DOCK9: variants seen among roughly 807,000 people sequenced by gnomAD.
The protein encoded by DOCK9 is dedicator of cytokinesis 9, also known as dedicator of cytokinesis protein 9.
Under a neutral mutation model 263.3 loss-of-function variants are expected in DOCK9, and 89 were observed. The ratio of observed to expected loss-of-function variants is 0.34; its 90% confidence interval spans 0.28 to 0.40. DOCK9 has a LOEUF of 0.40. Among genes scored for constraint, DOCK9 ranks in the 10% least tolerant of loss-of-function variants. DOCK9 has a pLI of 1.00. For missense variants in DOCK9, 2,140 were observed against 2,603.4 expected, an observed-to-expected ratio of 0.82 and a Z score of 3.87; for synonymous variants, 976 against 973.1, an observed-to-expected ratio of 1.00 and a Z score of -0.06.
At chr13:98,842,469 G>A (rs1055952812) in intron 38 of DOCK9, among the ~76,000 whole-genome samples, 2 of 152,162 alleles carry the variant, frequency 1.3e-5, no homozygotes, top group African/African-American at 4.8e-5. Context: ...CTCTTGGCTG[G>A]TGTTCCCTGC....
chr13:98,822,932 T>C (rs1251153820), intron 45 of DOCK9, among the ~76,000 whole-genome samples: 1 of 152,152 alleles, frequency 6.6e-6, no homozygotes, highest in East Asian at 1.9e-4. Flanking sequence ...CTTAAACTTT[T>C]TGAGCTCAAG....
rs747015705 is a variant in DOCK9, at chr13:98,853,540, G to T, written c.3832-18C>A. 6 of 1,542,330 alleles carry T rather than the reference G, an allele frequency of 3.9e-6. No individual in the cohort carries two copies. Among genetic ancestry groups the T allele is most frequent in the Non-Finnish European group, 5.4e-6 (6 of 1,120,118 alleles). On this transcript the variant is annotated intron_variant, in intron 34 of 52. Transcript: ENST00000682017. ...TGTTGGTGCTAAAAAGAAAATACAG[G>T]TGATTTTTCTATTTAATTACGGGAG... is the stretch of plus-strand genomic sequence containing the variant.
At chr13:98,965,632 T>G (rs1427708999) in intron 1 of DOCK9, among the ~76,000 whole-genome samples, 1 of 152,228 alleles carries the variant, frequency 6.6e-6, no homozygotes, top group Non-Finnish European at 1.5e-5. Flanking sequence ...ATTTTAATTT[T>G]GCACTTTCAT....
chr13:99,086,929 G>A (rs898248528), upstream of DOCK9, among the ~76,000 whole-genome samples: 3 of 152,112 alleles, frequency 2.0e-5, no homozygotes, highest in African/African-American at 7.2e-5. Context: ...CACCAAGAGG[G>A]CGCACAGCCG....
At chr13:98,923,501 A>G (rs902699009) in intron 4 of DOCK9, 130 bp from the exon 5 acceptor site, 8 of 744,628 alleles carry the variant, frequency 1.1e-5, no homozygotes, top group African/African-American at 7.0e-5. Context: ...ATTCAGACAA[A>G]GAATAAAACC....
At chr13:99,051,191 G>A (rs769545483) in intron 1 of DOCK9, among the ~76,000 whole-genome samples, 23 of 152,326 alleles carry the variant, frequency 1.5e-4, no homozygotes, top group East Asian at 5.8e-4. Context: ...AAAGGCTGAA[G>A]GGAAGCCTCT....
At chr13:98,860,234 A>G (rs2093821496) in intron 33 of DOCK9, 171 bp downstream of exon 33, 10 of 1,446,944 alleles carry the variant, frequency 6.9e-6, no homozygotes, top group Admixed American at 5.4e-5. Context: ...ATTTCAGGGC[A>G]TGGCTGAGGG....
chr13:99,077,078 T>C (rs993184373), intron 1 of DOCK9, among the ~76,000 whole-genome samples: 3 of 151,584 alleles, frequency 2.0e-5, no homozygotes, highest in African/African-American at 7.3e-5. Context: ...CATGGGAGGG[T>C]GGTGTCTGAT....
chr13:99,043,096 T>G (rs1250634737), intron 1 of DOCK9, among the ~76,000 whole-genome samples: 2 of 151,648 alleles, frequency 1.3e-5, no homozygotes, highest in Admixed American at 1.3e-4. Context: ...CCAGATGGCC[T>G]CAGCCCGTGA....
In DOCK9 at chr13:98,850,092, T is replaced by C. The variant is rs2093517832; in HGVS notation, c.3968A>G (p.Asn1323Ser). Residue 1323 changes from asparagine (N) to serine (S), a missense_variant, in exon 36 of 53, where the codon AAC becomes AGC. By Grantham distance (46) the Asn-to-Ser change is conservative. Transcript: ENST00000682017. ...CATAAGTTCAGATGTTGAAGCCTTG[T>C]TCCAATATGTAAACAAAGCATCTAG... ...MSDDALFTYW[N>S]KASTSELMDF... The C allele has an allele frequency of 1.9e-6, 3 of 1,549,884 alleles. No homozygotes were observed. Among genetic ancestry groups the C allele is most frequent in the Middle Eastern group, 1.8e-4 (1 of 5,670 alleles).
Position 98,825,548 on chromosome 13 carries a change from G to A in DOCK9, c.5024-1044C>T, listed in dbSNP as rs2092490498. 6.6e-6 allele frequency among the ~76,000 whole-genome samples: 1 copy of A among 152,108 alleles called. No homozygotes were observed. The highest frequency in any genetic ancestry group is 1.5e-5 in the Non-Finnish European group (1 of 68,010). ...TTTATTTTGTTATATGGAAACAAGA[G>A]TCTCCCATGAAAAGCATTAATCTAG... is the stretch of plus-strand genomic sequence containing the variant. On this transcript the variant is annotated intron_variant, in intron 44 of 52. Coordinates refer to ENST00000682017, the MANE Select transcript of DOCK9 (RefSeq NM_001366683.2). This position sits in a 1 kb window ranked among gnomAD's most constrained non-coding sequence, Gnocchi z 4.1.
At chr13:99,028,927 G>C (rs1887056169) in intron 1 of DOCK9, among the ~76,000 whole-genome samples, 1 of 152,208 alleles carries the variant, frequency 6.6e-6, no homozygotes, top group South Asian at 2.1e-4. Flanking sequence ...CAATTATATA[G>C]GTATTCTCTC....
At chr13:98,943,891 T>G (rs1313927439) in intron 2 of DOCK9, among the ~76,000 whole-genome samples, 1 of 152,190 alleles carries the variant, frequency 6.6e-6, no homozygotes, top group Non-Finnish European at 1.5e-5. Context: ...CTTCATAAAT[T>G]TCCATCTGAT....
chr13:98,864,818 G>A (rs1385317463), intron 30 of DOCK9, among the ~76,000 whole-genome samples: 1 of 152,116 alleles, frequency 6.6e-6, no homozygotes, highest in Admixed American at 6.5e-5. Context: ...CTCATGAATG[G>A]CTTGGTGCCC....
At position 98,955,332 on chromosome 13, in the gene DOCK9, AT is replaced by A. The variant is rs2057923544; in HGVS notation, c.243+102del. On this transcript the variant is annotated intron_variant, in intron 2 of 52. Transcript: ENST00000682017. ...AGACTGTGTCTCAAAAAAAATAATA[AT>A]AATAATAATTAACTAACCAAACAAT... 6.6e-6 allele frequency: 5 copies of A among 761,558 alleles called. No individual in the cohort carries two copies. In the South Asian group the frequency reaches 1.4e-4, roughly 21 times the overall value. The allele number at this position is 761,558 out of a possible 1,614,324, so 47.2% of individuals were successfully genotyped here. A position where few individuals can be genotyped will look rare whatever the true frequency, so the allele number is the denominator to read the frequency against.
intron 1 of DOCK9, among the ~76,000 whole-genome samples, chr13:98,998,923 T>C (rs1241748270): frequency 6.6e-6 from 1 of 151,978 alleles, no homozygotes; most frequent in East Asian, 1.9e-4. Context: ...AATAAGTGGG[T>C]GGTGGAGGAA....
chr13:98,954,301 C>G (rs1333421671), intron 2 of DOCK9, among the ~76,000 whole-genome samples: 2 of 151,378 alleles, frequency 1.3e-5, no homozygotes, highest in Admixed American at 6.6e-5. Flanking sequence ...GTAACAGCAT[C>G]AGGTAGAGAA....
chr13:98,876,999 G>T (rs1026917551), intron 27 of DOCK9, among the ~76,000 whole-genome samples: 3 of 152,214 alleles, frequency 2.0e-5, no homozygotes, highest in African/African-American at 7.2e-5. Flanking sequence ...ATTGTTTTAG[G>T]GTCAAAATAT....
chr13:99,015,334 A>T (rs1595911363), intron 1 of DOCK9: 1 of 910,190 alleles, frequency 1.1e-6, no homozygotes, highest in East Asian at 2.9e-5. Flanking sequence ...CCATTTATAC[A>T]CACAGACTAC....
Sources: gnomAD v4.1 joint callset for allele counts (sites outside exome capture counted in the v4.1 genomes callset) on GRCh38, gnomAD v4.1.1 for gene constraint, Gnocchi (gnomAD v3.1) non-coding constraint, MANE v1.5 for transcripts, NCBI Gene and HGNC (gene_info 2026-07-23, HGNC 2026-07-21) for gene names.